Variants in DOCK11 observed in about 807,000 individuals in gnomAD.
The protein encoded by DOCK11 is dedicator of cytokinesis protein 11.
A neutral mutation model predicts 169.1 loss-of-function variants in DOCK11; 70 were observed. The ratio of observed to expected loss-of-function variants is 0.41; its 90% CI spans 0.34 to 0.51. DOCK11 has a LOEUF of 0.51. Ranked by LOEUF, DOCK11 falls within the 20% of genes least tolerant of loss-of-function variation. The pLI, the probability that DOCK11 is intolerant of heterozygous loss-of-function variation, is 0.10. For missense variants in DOCK11, 1,166 were observed against 1,538.8 expected, an observed-to-expected ratio of 0.76 and a Z score of 4.05; for synonymous variants, 529 against 541.3, an observed-to-expected ratio of 0.98 and a Z score of 0.32.
At chrX:118,575,738 A>G (rs1056891984) in intron 12 of DOCK11, among the ~76,000 whole-genome samples, 1 of 112,484 alleles carries the variant, frequency 8.9e-6, no homozygotes, top group African/African-American at 3.2e-5. Flanking sequence ...TGTTGTAAAT[A>G]TTTGAGAACT....
At chrX:118,668,032 T>C (rs1385075531) in intron 45 of DOCK11, among the ~76,000 whole-genome samples, 2 of 112,557 alleles carry the variant, frequency 1.8e-5, no homozygotes, top group African/African-American at 6.5e-5. Flanking sequence ...TGTATGTCTT[T>C]TATGATTTTC....
At position 118,654,949 on chromosome X, in the gene DOCK11, C is replaced by A. The variant is rs771896325; in HGVS notation, c.4957C>A (p.Leu1653Ile). Residue 1653 changes from leucine to isoleucine, a missense_variant, in exon 44 of 53, where the codon CTT becomes ATT. By Grantham distance (5) the Leu-to-Ile change is conservative. Transcript: ENST00000276202. The stretch of plus-strand genomic sequence containing the variant: ...TGTAGCAGCTCTAGTTGCAGAGTTT[C>A]TTCATCGAAAAAGTAAGATATTTCT... ...VHVAALVAEF[L>I]HRKKLFPNGC... The A allele has an allele frequency of 8.3e-7, 1 of 1,206,150 alleles. No homozygotes were observed. Among genetic ancestry groups the A allele is most frequent in the African/African-American group, 1.7e-5 (1 of 57,304 alleles).
At chrX:118,571,911 G>T (rs1220506456) in intron 10 of DOCK11, among the ~76,000 whole-genome samples, 2 of 111,848 alleles carry the variant, frequency 1.8e-5, no homozygotes, top group African/African-American at 6.5e-5. Flanking sequence ...TCCTGACAGA[G>T]TAGCAAGTGC....
intron 7 of DOCK11, among the ~76,000 whole-genome samples, chrX:118,564,622 TC>T (rs2147378705): frequency 8.9e-6 from 1 of 112,103 alleles, no homozygotes; most frequent in South Asian, 3.7e-4. Context: ...ATTTTTTCTT[TC>T]TTTTTTACCA....
intron 20 of DOCK11, among the ~76,000 whole-genome samples, chrX:118,593,995 A>G (rs2014082523): frequency 1.8e-5 from 2 of 112,014 alleles, no homozygotes; most frequent in Admixed American, 1.9e-4. Context: ...TTTATGTAGA[A>G]TTGCCCAGCA....
intron 41 of DOCK11, among the ~76,000 whole-genome samples, chrX:118,649,549 C>T (rs779922211): frequency 2.2e-4 from 24 of 111,494 alleles, no homozygotes; most frequent in Non-Finnish European, 3.0e-4. Context: ...GACGGAGTCT[C>T]GCCCTGTCAC....
At chrX:118,614,854 G>T (rs1208983489) in intron 29 of DOCK11, 79 bp downstream of exon 29, 69 of 712,505 alleles carry the variant, frequency 9.7e-5, no homozygotes, top group Non-Finnish European at 1.4e-4. Context: ...CTCTTCTAGG[G>T]GATTAGGAAC....
chrX:118,673,443 G>A (rs2016535066), intron 46 of DOCK11, among the ~76,000 whole-genome samples: 1 of 111,514 alleles, frequency 9.0e-6, no homozygotes, highest in African/African-American at 3.3e-5. Flanking sequence ...CTGCACTCCA[G>A]CCTTGGCTAC....
chrX:118,513,750 C>G lies in DOCK11; in HGVS notation c.102+17677C>G, dbSNP rs944667252. On this transcript the variant is annotated intron_variant, in intron 1 of 52. Coordinates refer to ENST00000276202, the MANE Select transcript of DOCK11 (RefSeq NM_144658.4). The stretch of plus-strand genomic sequence containing the variant: ...TTAGTAGATCTTTAAAAAGTGAAAC[C>G]TTTTGCATGAGAGTCAAATAAAGTT... Among the ~76,000 whole-genome samples the G allele has an allele frequency of 1.3e-4, 14 of 111,787 alleles. 1 individual carries two copies. Among genetic ancestry groups the G allele is most frequent in the African/African-American group, 4.2e-4 (13 of 30,741 alleles).
intron 28 of DOCK11, 91 bp from the exon 29 acceptor site, chrX:118,614,601 A>G (rs1569430442): frequency 1.5e-6 from 1 of 646,313 alleles, no homozygotes; most frequent in East Asian, 3.6e-5. Context: ...TTTGTGTGGA[A>G]CCAATTTTGA....
chrX:118,614,875 A>C, intron 29 of DOCK11, 100 bp downstream of exon 29: 1 of 644,165 alleles, frequency 1.6e-6, no homozygotes, highest in East Asian at 3.4e-5. Flanking sequence ...TGTTGTTTTT[A>C]TTTAGGTAGT....
intron 45 of DOCK11, among the ~76,000 whole-genome samples, chrX:118,669,261 A>G (rs906187379): frequency 3.6e-5 from 4 of 111,887 alleles, no homozygotes; most frequent in African/African-American, 1.3e-4. Flanking sequence ...ATATTTAGGA[A>G]ATAAAACTGG....
chrX:118,502,789 C>CA (rs1234873608), intron 1 of DOCK11, among the ~76,000 whole-genome samples: 2 of 99,573 alleles, frequency 2.0e-5, no homozygotes, highest in Admixed American at 1.0e-4. Flanking sequence ...AACAAACAAA[C>CA]AAAAAAACAG....
intron 41 of DOCK11, among the ~76,000 whole-genome samples, chrX:118,650,985 T>C (rs2015931805): frequency 8.9e-6 from 1 of 112,048 alleles, no homozygotes; most frequent in African/African-American, 3.2e-5. Context: ...CAGTGAATTA[T>C]TGATAAAGTC....
intron 1 of DOCK11, among the ~76,000 whole-genome samples, chrX:118,512,243 G>A (rs1322185988): frequency 8.9e-6 from 1 of 112,127 alleles, no homozygotes; most frequent in Non-Finnish European, 1.9e-5. Flanking sequence ...TTACGACAAG[G>A]AGGTAGGAGG....
intron 46 of DOCK11, among the ~76,000 whole-genome samples, chrX:118,674,149 A>G (rs1172726714): frequency 9.0e-6 from 1 of 111,211 alleles, no homozygotes; most frequent in African/African-American, 3.3e-5. Flanking sequence ...TCTTTCAGTT[A>G]GCATAATTTT....
intron 23 of DOCK11, among the ~76,000 whole-genome samples, chrX:118,601,556 G>T (rs1436091562): frequency 8.9e-6 from 1 of 111,825 alleles, no homozygotes; most frequent in African/African-American, 3.2e-5. Flanking sequence ...TTTTATAAAA[G>T]TTTCAATCAA....
intron 45 of DOCK11, among the ~76,000 whole-genome samples, chrX:118,668,162 G>A (rs2016382448): frequency 8.9e-6 from 1 of 111,841 alleles, no homozygotes. Context: ...TTGGATAGAA[G>A]TGGTGAGAGC....
intron 32 of DOCK11, among the ~76,000 whole-genome samples, chrX:118,625,588 G>T (rs910826648): frequency 1.8e-5 from 2 of 112,015 alleles, no homozygotes; most frequent in Non-Finnish European, 3.8e-5. Context: ...TCCTTTGAAC[G>T]CTGTGTTTTC....
Sources: allele counts gnomAD v4.1 joint callset (sites outside exome capture counted in the v4.1 genomes callset), GRCh38; gene constraint gnomAD v4.1.1; transcripts MANE v1.5; gene names NCBI Gene and HGNC (gene_info 2026-07-23, HGNC 2026-07-21).